ATP11B: variants seen among roughly 807,000 people sequenced by gnomAD.
ATP11B encodes the protein phospholipid-transporting ATPase IF.
Under a neutral mutation model 157.8 loss-of-function variants are expected in ATP11B, and 81 were observed. That is an observed-to-expected ratio of 0.51 (90% CI 0.43 to 0.62). ATP11B has a LOEUF of 0.62. Ranked by LOEUF, ATP11B falls within the 20% of genes least tolerant of loss-of-function variation. The pLI, the probability that ATP11B is intolerant of heterozygous loss-of-function variation, is 0.00. For synonymous variants in ATP11B, 451 were observed against 469.4 expected (o/e 0.96, Z 0.51); for missense variants, 1,165 against 1,402.2 (o/e 0.83, Z 2.70).
At chr3:182,887,900 T>C (rs951867385) in intron 24 of ATP11B, among the ~76,000 whole-genome samples, 187 bp downstream of exon 24, 4 of 152,194 alleles carry the variant, frequency 2.6e-5, no homozygotes, top group Non-Finnish European at 4.4e-5. Flanking sequence ...ATTTTTCCGG[T>C]GTTTTTTTAA....
chr3:182,814,465 T>A (rs1716853379), intron 1 of ATP11B, among the ~76,000 whole-genome samples: 1 of 152,226 alleles, frequency 6.6e-6, no homozygotes, highest in South Asian at 2.1e-4. Context: ...AAATATTCTT[T>A]AAAGAATTAA....
chr3:182,871,909 G>A (rs1227597832), intron 17 of ATP11B, among the ~76,000 whole-genome samples: 3 of 151,824 alleles, frequency 2.0e-5, no homozygotes, highest in Non-Finnish European at 4.4e-5. Flanking sequence ...TCCACCTCCC[G>A]GGTTCACGCC....
intron 29 of ATP11B, chr3:182,917,501 CA>C: frequency 1.0e-6 from 1 of 985,352 alleles, no homozygotes; most frequent in Non-Finnish European, 1.2e-6. Flanking sequence ...TAGTGACCTA[CA>C]GGTGTCTTTG....
rs7646086 is a variant in ATP11B, at chr3:182,884,624, A to G, written c.2510-129A>G. ...TAGAACAACCTTTTGGACATCTGCT[A>G]TCTGCTGTATATTAGGATTTAATGT... On this transcript the variant is annotated intron_variant, in intron 21 of 29. Coordinates refer to ENST00000323116, the MANE Select transcript of ATP11B (RefSeq NM_014616.3). 4.9e-3 allele frequency: 3,931 copies of G among 799,832 alleles called. 112 individuals carry two copies. The African/African-American group carries it at 0.059, about 12-fold the overall frequency. The allele number at this position is 799,832 out of a possible 1,614,324, so 49.5% of individuals were successfully genotyped here. A position where few individuals can be genotyped will look rare whatever the true frequency, so the allele number is the denominator to read the frequency against.
At chr3:182,860,633 C>T (rs1162064717) in intron 12 of ATP11B, among the ~76,000 whole-genome samples, 1 of 152,078 alleles carries the variant, frequency 6.6e-6, no homozygotes, top group Non-Finnish European at 1.5e-5. Context: ...ATTTGCATGT[C>T]CTACCACTTA....
At chr3:182,852,252 C>T (rs896235480) in intron 10 of ATP11B, among the ~76,000 whole-genome samples, 4 of 152,182 alleles carry the variant, frequency 2.6e-5, no homozygotes, top group African/African-American at 4.8e-5. Context: ...TCTACATTTG[C>T]AGACTCAAGG....
intron 10 of ATP11B, among the ~76,000 whole-genome samples, chr3:182,855,193 A>G (rs1292230855): frequency 6.6e-6 from 1 of 152,208 alleles, no homozygotes; most frequent in Non-Finnish European, 1.5e-5. Flanking sequence ...GGTGTTGGTT[A>G]AAGAATAGAT....
At chr3:182,819,471 A>G (rs950199615) in intron 1 of ATP11B, among the ~76,000 whole-genome samples, 1 of 152,208 alleles carries the variant, frequency 6.6e-6, no homozygotes, top group Non-Finnish European at 1.5e-5. Context: ...GTCCTCTAAG[A>G]ATAAAGTTTC....
rs977502434 is a variant in ATP11B, at chr3:182,918,684, A to G, written c.*580A>G. ...GAGCAAATTAGGAGAATCATTTCCAACCATTATTTACTGCAGTATGGGGAG... is the reference window on the plus strand; with the variant it reads ...GAGCAAATTAGGAGAATCATTTCCAGCCATTATTTACTGCAGTATGGGGAG... On this transcript the variant is annotated 3_prime_UTR_variant, in exon 30 of 30. Transcript: ENST00000323116. 1 of 261,792 alleles carries G rather than the reference A, an allele frequency of 3.8e-6. No individual in the cohort carries two copies. The highest frequency in any genetic ancestry group is 7.1e-6 in the Non-Finnish European group (1 of 140,442). 16.2% of individuals were successfully genotyped at this position (261,792 alleles called of 1,614,324 possible).
At chr3:182,917,912 TA>T in intron 29 of ATP11B, 110 bp from the exon 30 acceptor site, 1 of 1,455,218 alleles carries the variant, frequency 6.9e-7, no homozygotes, top group Non-Finnish European at 9.1e-7. Flanking sequence ...CTTTAGTATT[TA>T]AATGAATCAA....
At chr3:182,906,548 G>C (rs933447267) in intron 28 of ATP11B, among the ~76,000 whole-genome samples, 3 of 151,992 alleles carry the variant, frequency 2.0e-5, no homozygotes, top group Non-Finnish European at 4.4e-5. Flanking sequence ...GGCTCAAGCG[G>C]TCCTCCCACC....
intron 1 of ATP11B, among the ~76,000 whole-genome samples, chr3:182,812,445 T>C (rs1716727700): frequency 6.6e-6 from 1 of 152,248 alleles, no homozygotes; most frequent in African/African-American, 2.4e-5. Flanking sequence ...GTTAACTGGA[T>C]AGGCAAAGAA....
intron 1 of ATP11B, among the ~76,000 whole-genome samples, chr3:182,819,270 A>G (rs564500266): frequency 1.3e-5 from 2 of 151,686 alleles, no homozygotes; most frequent in South Asian, 2.1e-4. Flanking sequence ...ACGGGGTTTC[A>G]CCATGTTGGC....
At chr3:182,849,048 T>C (rs1296061452) in intron 10 of ATP11B, among the ~76,000 whole-genome samples, 5 of 152,204 alleles carry the variant, frequency 3.3e-5, no homozygotes, top group African/African-American at 1.2e-4. Flanking sequence ...ACAAGGTTAA[T>C]AGCTGGAAGA....
chr3:182,806,399 A>C (rs970620885), intron 1 of ATP11B, among the ~76,000 whole-genome samples: 10 of 152,186 alleles, frequency 6.6e-5, no homozygotes, highest in Non-Finnish European at 1.0e-4. Flanking sequence ...AGACTATACA[A>C]TTCAGAAAAA....
chr3:182,806,087 G>A (rs1053680824), intron 1 of ATP11B, among the ~76,000 whole-genome samples: 1 of 152,094 alleles, frequency 6.6e-6, no homozygotes, highest in Non-Finnish European at 1.5e-5. Flanking sequence ...TTCATGAGTG[G>A]TAATGTTTTT....
intron 4 of ATP11B, among the ~76,000 whole-genome samples, chr3:182,834,906 A>T (rs1310847696): frequency 6.6e-6 from 1 of 152,242 alleles, no homozygotes; most frequent in Non-Finnish European, 1.5e-5. Flanking sequence ...ATATCATAAG[A>T]CAGTCATTTA....
chr3:182,883,547 C>T (rs1722577749), intron 21 of ATP11B, among the ~76,000 whole-genome samples: 1 of 151,934 alleles, frequency 6.6e-6, no homozygotes, highest in African/African-American at 2.4e-5. Context: ...CGTGAGCCAC[C>T]ACACCCAGCC....
chr3:182,878,724 T>C (rs1469952756), intron 19 of ATP11B, among the ~76,000 whole-genome samples: 1 of 152,210 alleles, frequency 6.6e-6, no homozygotes, highest in Non-Finnish European at 1.5e-5. Context: ...CATCATCGGT[T>C]TCCTATTGCA....
Sources: gnomAD v4.1 joint callset for allele counts (sites outside exome capture counted in the v4.1 genomes callset) on GRCh38, gnomAD v4.1.1 for gene constraint, MANE v1.5 for transcripts, NCBI Gene and HGNC (gene_info 2026-07-23, HGNC 2026-07-21) for gene names.